The following PDE1C variants were observed in gnomAD, a reference collection of about 807,000 sequenced individuals.
The protein encoded by PDE1C is dual specificity calcium/calmodulin-dependent 3',5'-cyclic nucleotide phosphodiesterase 1C.
A neutral mutation model predicts 93.1 loss-of-function variants in PDE1C; 62 were observed. That is an observed-to-expected ratio of 0.67 (90% CI 0.54 to 0.82). PDE1C has a LOEUF of 0.82. Ranked by LOEUF, PDE1C falls within the 40% of genes least tolerant of loss-of-function variation. The pLI is 0.00. For synonymous variants in PDE1C, 325 were observed against 310.1 expected, an observed-to-expected ratio of 1.05 and a Z score of -0.50; for missense variants, 742 against 884.6, an observed-to-expected ratio of 0.84 and a Z score of 2.04.
At chr7:31,924,753 C>A (rs922541130) in intron 2 of PDE1C, among the ~76,000 whole-genome samples, 6 of 152,168 alleles carry the variant, frequency 3.9e-5, no homozygotes, top group Non-Finnish European at 8.8e-5. Context: ...CTGGAACCAA[C>A]TGGAGAGTCC....
At chr7:31,800,205 G>A (rs1214465408) in intron 16 of PDE1C, among the ~76,000 whole-genome samples, 1 of 151,338 alleles carries the variant, frequency 6.6e-6, no homozygotes, top group Admixed American at 6.6e-5. Context: ...TATCCCCCCA[G>A]AATGTGAACT....
chr7:31,924,287 T>C (rs1287404662), intron 2 of PDE1C, among the ~76,000 whole-genome samples: 2 of 152,226 alleles, frequency 1.3e-5, no homozygotes, highest in African/African-American at 4.8e-5. Flanking sequence ...TCAATATTTG[T>C]TGACTTAACA....
chr7:32,319,977 G>A (rs899722086), intron 1 of PDE1C, among the ~76,000 whole-genome samples: 1 of 152,176 alleles, frequency 6.6e-6, no homozygotes, highest in Non-Finnish European at 1.5e-5. Context: ...AGGTCCCAGA[G>A]TCCCACGGTC....
chr7:31,736,912 G>A, the PDE1C span, among the ~76,000 whole-genome samples: 4 of 152,010 alleles, frequency 2.6e-5, no homozygotes, highest in African/African-American at 4.8e-5. Context: ...TTACAAACTA[G>A]TTGTTCATTA....
chr7:31,759,574 T>A (rs1794699640), intron 17 of PDE1C, among the ~76,000 whole-genome samples: 1 of 152,226 alleles, frequency 6.6e-6, no homozygotes, highest in Non-Finnish European at 1.5e-5. Flanking sequence ...AATTAGTTAA[T>A]GAAGATTGTG....
At chr7:31,977,708 A>T (rs1359578898) in intron 2 of PDE1C, among the ~76,000 whole-genome samples, 1 of 152,218 alleles carries the variant, frequency 6.6e-6, no homozygotes, top group Non-Finnish European at 1.5e-5. Flanking sequence ...ACACTAAAAC[A>T]TGTGCTCCTT....
rs1321041777 is a variant in PDE1C, at chr7:32,298,301, T to C, written c.85+350A>G. 4.6e-5 allele frequency among the ~76,000 whole-genome samples: 7 copies of C among 152,106 alleles called. No individual in the cohort carries two copies. The South Asian group carries it at 1.0e-3, about 23-fold the overall frequency. On this transcript the variant is annotated intron_variant, in intron 1 of 18. Coordinates refer to the PDE1C transcript ENST00000396193. ...TCTGTCTCCCTCTCTCGGCACTATC[T>C]TCATCTCTCCATCGCAGCGTCTCCA...
At chr7:32,413,983 C>T (rs181756635) in intron 1 of PDE1C, among the ~76,000 whole-genome samples, 124 of 152,116 alleles carry the variant, frequency 8.2e-4, no homozygotes, top group Admixed American at 1.6e-3. Context: ...GAGGCTGAGG[C>T]AGGAGGACCA....
chr7:31,890,119 T>C (rs1798443835), intron 2 of PDE1C, among the ~76,000 whole-genome samples: 1 of 152,154 alleles, frequency 6.6e-6, no homozygotes, highest in African/African-American at 2.4e-5. Context: ...CTTGTTCTTC[T>C]GGGTGAAGAA....
intron 2 of PDE1C, among the ~76,000 whole-genome samples, chr7:32,009,229 G>A (rs1480557109): frequency 6.6e-6 from 1 of 152,190 alleles, no homozygotes; most frequent in Non-Finnish European, 1.5e-5. Flanking sequence ...ACTGCCTTGG[G>A]AAGGTTTCCA....
intron 2 of PDE1C, among the ~76,000 whole-genome samples, chr7:32,048,913 A>G (rs1182007073): frequency 6.6e-6 from 1 of 152,208 alleles, no homozygotes; most frequent in Non-Finnish European, 1.5e-5. Flanking sequence ...AAAAGGCAAC[A>G]GCATTCACGT....
chr7:32,398,152 CA>C (rs1342634755), intron 1 of PDE1C, among the ~76,000 whole-genome samples: 27 of 114,322 alleles, frequency 2.4e-4, no homozygotes, highest in Middle Eastern at 7.6e-3. Flanking sequence ...GACTCCGTCT[CA>C]AAAAAAAAAA....
the PDE1C span, among the ~76,000 whole-genome samples, chr7:31,744,887 G>A: frequency 1.3e-5 from 2 of 152,188 alleles, no homozygotes; most frequent in African/African-American, 4.8e-5. Context: ...TACTTTTAAA[G>A]GTAAGGCTCT....
chr7:31,724,904 AG>A, the PDE1C span, among the ~76,000 whole-genome samples: 1 of 152,328 alleles, frequency 6.6e-6, no homozygotes, highest in African/African-American at 2.4e-5. Context: ...TCTGGAATGC[AG>A]GGGTATGTGC....
intron 16 of PDE1C, among the ~76,000 whole-genome samples, chr7:31,777,156 G>C (rs1301988877): frequency 6.6e-6 from 1 of 151,538 alleles, no homozygotes; most frequent in Non-Finnish European, 1.5e-5. Context: ...AAAAAAGAAA[G>C]AAACAATTAG....
intron 3 of PDE1C, among the ~76,000 whole-genome samples, chr7:32,080,619 T>C (rs1316368518): frequency 2.6e-5 from 4 of 152,178 alleles, no homozygotes; most frequent in African/African-American, 9.7e-5. Context: ...ACCCTCCAGA[T>C]AAGTGAAATG....
At chr7:32,082,231 G>A (rs931246681) in intron 3 of PDE1C, among the ~76,000 whole-genome samples, 1 of 152,270 alleles carries the variant, frequency 6.6e-6, no homozygotes, top group South Asian at 2.1e-4. Context: ...GGCTCTGAGG[G>A]TCCTACGCCC....
chr7:31,904,652 A>G (rs991903585), intron 2 of PDE1C, among the ~76,000 whole-genome samples: 1 of 151,960 alleles, frequency 6.6e-6, no homozygotes, highest in Non-Finnish European at 1.5e-5. Context: ...TCATTTCTCT[A>G]AAGAAAAAAA....
At chr7:31,779,848 T>C (rs1783271229) in intron 16 of PDE1C, among the ~76,000 whole-genome samples, 1 of 152,114 alleles carries the variant, frequency 6.6e-6, no homozygotes, top group African/African-American at 2.4e-5. Flanking sequence ...ACCCAACACA[T>C]CTGAGTTTCA....
Sources: allele counts gnomAD v4.1 joint callset (sites outside exome capture counted in the v4.1 genomes callset), GRCh38; gene constraint gnomAD v4.1.1; transcripts MANE v1.5; gene names NCBI Gene and HGNC (gene_info 2026-07-23, HGNC 2026-07-21).